Variants in SIL1 observed in about 807,000 individuals in gnomAD.
SIL1 encodes nucleotide exchange factor SIL1.
A neutral mutation model predicts 49.1 loss-of-function variants in SIL1; 40 were observed. The observed-to-expected ratio is 0.81, with a 90% CI of 0.63 to 1.06. The LOEUF (loss-of-function observed/expected upper bound fraction) is 1.06. SIL1 is among the 50% of genes least tolerant of loss of function. The probability of loss-of-function intolerance (pLI) is 0.00; values close to 1 mark genes in which losing one functional copy is unlikely to be tolerated. For synonymous variants in SIL1, 253 were observed against 250.8 expected (o/e 1.01, Z -0.08); for missense variants, 500 against 572.6 (o/e 0.87, Z 1.29).
intron 1 of SIL1, among the ~76,000 whole-genome samples, chr5:139,156,092 C>T (rs1268834414): frequency 4.6e-5 from 7 of 152,112 alleles, no homozygotes; most frequent in African/African-American, 1.7e-4. Flanking sequence ...ACTATCCTCT[C>T]CCTTTCACAG....
Position 139,136,393 on chromosome 5 carries a change from C to T in SIL1, c.-10-8540G>A, listed in dbSNP as rs912453365. Among the ~76,000 whole-genome samples the T allele has an allele frequency of 2.6e-5, 4 of 152,168 alleles. No individual in the cohort carries two copies. The East Asian group carries it at 7.7e-4, about 29-fold the overall frequency. On this transcript the variant is annotated intron_variant, in intron 1 of 9. Coordinates refer to ENST00000394817, the MANE Select transcript of SIL1 (RefSeq NM_022464.5). ...AGGGCAAGAGTTTCAGTGCTATCAA[C>T]ACAGAGGTGATCATCAAAGCAACAG...
At chr5:138,973,422 A>G (rs1406889090) in intron 7 of SIL1, among the ~76,000 whole-genome samples, 1 of 151,896 alleles carries the variant, frequency 6.6e-6, no homozygotes, top group Non-Finnish European at 1.5e-5. Context: ...ATAGAAAGGA[A>G]AAGTCCCTGT....
Position 138,947,028 on chromosome 5 carries a change from C to T in SIL1, c.*89G>A. Reference sequence around the variant, plus strand: ...CCATTTAATGGCCAAGCCAGCACTGCCAAGATGTCCTCCTGCCTGAGAAGC... The same window carrying T: ...CCATTTAATGGCCAAGCCAGCACTGTCAAGATGTCCTCCTGCCTGAGAAGC... On this transcript the variant is annotated 3_prime_UTR_variant, in exon 10 of 10. Transcript: ENST00000394817. This position sits in a 1 kb window ranked among gnomAD's most constrained non-coding sequence, Gnocchi z 4.1. 3.0e-6 allele frequency: 3 copies of T among 995,334 alleles called. No individual in the cohort carries two copies. The highest frequency in any genetic ancestry group is 4.7e-6 in the Non-Finnish European group (3 of 638,302). The allele number at this position is 995,334 out of a possible 1,614,324, so 61.7% of individuals were successfully genotyped here.
chr5:139,119,219 C>G (rs867411832), intron 3 of SIL1, among the ~76,000 whole-genome samples: 2 of 152,228 alleles, frequency 1.3e-5, no homozygotes, highest in African/African-American at 4.8e-5. Context: ...TCTTGTCACA[C>G]AGGCTCTGGC....
chr5:139,121,379 T>C (rs542736088), intron 2 of SIL1, among the ~76,000 whole-genome samples: 3 of 152,320 alleles, frequency 2.0e-5, no homozygotes, highest in African/African-American at 7.2e-5. Context: ...CAGCATGTTG[T>C]CCTGTGCGTA....
intron 3 of SIL1, among the ~76,000 whole-genome samples, chr5:139,114,266 G>A (rs1408704265): frequency 6.6e-6 from 1 of 152,210 alleles, no homozygotes; most frequent in Non-Finnish European, 1.5e-5. Context: ...CTCCCAGGGG[G>A]CTGTGGGATT....
intron 7 of SIL1, among the ~76,000 whole-genome samples, chr5:138,970,944 TTTGA>T (rs1417667856): frequency 2.6e-5 from 4 of 151,500 alleles, no homozygotes; most frequent in Middle Eastern, 3.2e-3. Flanking sequence ...AGAGAAGAAC[TTTGA>T]TTGGTCCTGC....
chr5:139,115,654 G>A (rs1431325946), intron 3 of SIL1, among the ~76,000 whole-genome samples: 1 of 152,188 alleles, frequency 6.6e-6, no homozygotes, highest in Non-Finnish European at 1.5e-5. Flanking sequence ...ACACACTGAA[G>A]TGCTAGAAGG....
chr5:139,145,378 G>A (rs1221144514), intron 1 of SIL1, among the ~76,000 whole-genome samples: 1 of 152,170 alleles, frequency 6.6e-6, no homozygotes, highest in South Asian at 2.1e-4. Context: ...TCACTGGTGG[G>A]AGTATAAAAT....
At chr5:139,161,302 G>A (rs1336943759) in intron 1 of SIL1, among the ~76,000 whole-genome samples, 1 of 152,204 alleles carries the variant, frequency 6.6e-6, no homozygotes, top group Non-Finnish European at 1.5e-5. Flanking sequence ...TTAAATAAGG[G>A]AAATGAAGGA....
At chr5:139,077,455 C>A (rs565689151) in intron 3 of SIL1, among the ~76,000 whole-genome samples, 1 of 152,156 alleles carries the variant, frequency 6.6e-6, no homozygotes, top group Non-Finnish European at 1.5e-5. Flanking sequence ...TACAGTGACC[C>A]AATCTACAAC....
At chr5:139,127,446 T>C (rs1013514454) in intron 2 of SIL1, among the ~76,000 whole-genome samples, 1 of 152,140 alleles carries the variant, frequency 6.6e-6, no homozygotes, top group African/African-American at 2.4e-5. Flanking sequence ...TAAATGAGAA[T>C]ACATATAAAG....
chr5:139,185,337 C>A (rs1199922811), intron 1 of SIL1, among the ~76,000 whole-genome samples: 1 of 152,192 alleles, frequency 6.6e-6, no homozygotes, highest in Non-Finnish European at 1.5e-5. Context: ...TAGTAATTAT[C>A]TCACTTGTTT....
chr5:139,026,131 C>T (rs1768645205), intron 6 of SIL1, among the ~76,000 whole-genome samples: 1 of 152,222 alleles, frequency 6.6e-6, no homozygotes, highest in African/African-American at 2.4e-5. Flanking sequence ...ATTCTTACAT[C>T]ACCCTCTGGA....
At chr5:138,962,275 G>A (rs910668038) in intron 7 of SIL1, among the ~76,000 whole-genome samples, 5 of 151,654 alleles carry the variant, frequency 3.3e-5, no homozygotes, top group African/African-American at 9.7e-5. Flanking sequence ...TTTTTGGTGG[G>A]CTAAAAGCCA....
chr5:139,164,578 A>T (rs1441068357), intron 1 of SIL1, among the ~76,000 whole-genome samples: 1 of 152,148 alleles, frequency 6.6e-6, no homozygotes, highest in Non-Finnish European at 1.5e-5. Flanking sequence ...AAGGCATTAC[A>T]ATCTTCACCA....
chr5:139,048,382 T>TG (rs1561842024), intron 4 of SIL1, among the ~76,000 whole-genome samples: 3 of 143,816 alleles, frequency 2.1e-5, no homozygotes, highest in African/African-American at 7.7e-5. Context: ...TTTTTTTTTT[T>TG]TTTTTTTTTT....
chr5:139,182,798 G>A (rs955083011), intron 1 of SIL1, among the ~76,000 whole-genome samples: 1 of 152,160 alleles, frequency 6.6e-6, no homozygotes, highest in Non-Finnish European at 1.5e-5. Flanking sequence ...GGAGCAGGGG[G>A]GTTGAGTAGC....
intron 1 of SIL1, among the ~76,000 whole-genome samples, chr5:139,181,516 C>G (rs1751982787): frequency 6.6e-6 from 1 of 152,226 alleles, no homozygotes; most frequent in Non-Finnish European, 1.5e-5. Context: ...ATGCATTCCT[C>G]CACTGGGAGT....
Sources: allele counts gnomAD v4.1 joint callset (sites outside exome capture counted in the v4.1 genomes callset), GRCh38; gene constraint gnomAD v4.1.1; non-coding constraint Gnocchi (gnomAD v3.1); transcripts MANE v1.5; gene names NCBI Gene and HGNC (gene_info 2026-07-23, HGNC 2026-07-21).